NRG1: variants seen among roughly 807,000 people sequenced by gnomAD.
The protein encoded by NRG1 is pro-neuregulin-1, membrane-bound isoform.
NRG1 carries 18 observed loss-of-function variants against 63.8 expected under a neutral mutation model. That is an observed-to-expected ratio of 0.28 (90% CI 0.19 to 0.42). The LOEUF (loss-of-function observed/expected upper bound fraction) is 0.42. Ranked by LOEUF, NRG1 falls within the 10% of genes least tolerant of loss-of-function variation. NRG1 has a pLI of 1.00. For missense variants in NRG1, 762 were observed against 814.7 expected (o/e 0.94, Z 0.79); for synonymous variants, 302 against 301.3 (o/e 1.00, Z -0.02).
chr8:32,381,963 C>A (rs561867729), intron 1 of NRG1, among the ~76,000 whole-genome samples: 1 of 152,192 alleles, frequency 6.6e-6, no homozygotes, highest in East Asian at 1.9e-4. Flanking sequence ...AGTGAGAAAA[C>A]TCCTAGAGAG....
chr8:31,778,678 A>G (rs1354856304), intron 1 of NRG1, among the ~76,000 whole-genome samples: 1 of 152,226 alleles, frequency 6.6e-6, no homozygotes, highest in African/African-American at 2.4e-5. Context: ...ACTATGTGAC[A>G]TTATTTAAGG....
intron 1 of NRG1, among the ~76,000 whole-genome samples, chr8:31,936,686 T>C (rs1202720996): frequency 1.3e-5 from 2 of 152,246 alleles, no homozygotes; most frequent in Admixed American, 6.5e-5. Flanking sequence ...TGAGTAATAA[T>C]GCATTTTAGG....
At chr8:32,250,432 A>C (rs1848983316) in intron 1 of NRG1, among the ~76,000 whole-genome samples, 1 of 152,166 alleles carries the variant, frequency 6.6e-6, no homozygotes, top group Non-Finnish European at 1.5e-5. Flanking sequence ...AAATGCATTC[A>C]TTATTACCTC....
intron 1 of NRG1, among the ~76,000 whole-genome samples, chr8:32,073,098 T>A (rs1825986508): frequency 1.3e-5 from 2 of 152,214 alleles, no homozygotes; most frequent in Admixed American, 1.3e-4. Context: ...TTCTGGCCTC[T>A]ATCTCTGAAG....
intron 7 of NRG1, among the ~76,000 whole-genome samples, chr8:32,750,880 T>C (rs1828595870): frequency 6.6e-6 from 1 of 152,000 alleles, no homozygotes; most frequent in Non-Finnish European, 1.5e-5. Flanking sequence ...GAGCTATCTA[T>C]TGGAGTTTCT....
At chr8:32,112,491 T>C (rs1362865359) in intron 1 of NRG1, among the ~76,000 whole-genome samples, 1 of 152,224 alleles carries the variant, frequency 6.6e-6, no homozygotes, top group African/African-American at 2.4e-5. Flanking sequence ...TATATTTTCT[T>C]ATTTCCTTCT....
intron 1 of NRG1, among the ~76,000 whole-genome samples, chr8:32,554,294 G>T (rs1467118113): frequency 1.3e-5 from 2 of 152,066 alleles, no homozygotes; most frequent in Non-Finnish European, 1.5e-5. Flanking sequence ...GTCTGCACTT[G>T]TGTGTGTCCT....
At chr8:31,663,882 G>A (rs1218770070) in intron 1 of NRG1, among the ~76,000 whole-genome samples, 3 of 152,084 alleles carry the variant, frequency 2.0e-5, no homozygotes, top group East Asian at 3.9e-4. Flanking sequence ...GGGAAAAAAT[G>A]AGAGAGAAAG....
intron 1 of NRG1, among the ~76,000 whole-genome samples, chr8:32,506,711 G>A (rs868474825): frequency 2.0e-5 from 3 of 151,874 alleles, no homozygotes; most frequent in South Asian, 2.1e-4. Context: ...AAATCTTGGG[G>A]GGTATGTGGG....
At chr8:31,752,593 T>C (rs1054534739) in intron 1 of NRG1, among the ~76,000 whole-genome samples, 1 of 152,012 alleles carries the variant, frequency 6.6e-6, no homozygotes, top group Non-Finnish European at 1.5e-5. Flanking sequence ...AAATTTGAGA[T>C]ATATTTTGAA....
chr8:32,239,224 T>G (rs1467671033), intron 1 of NRG1, among the ~76,000 whole-genome samples: 1 of 151,664 alleles, frequency 6.6e-6, no homozygotes, highest in Non-Finnish European at 1.5e-5. Flanking sequence ...TATGCCTAAC[T>G]TTGAGTTTTG....
chr8:32,722,512 C>A (rs1820910929), intron 5 of NRG1, among the ~76,000 whole-genome samples: 1 of 152,134 alleles, frequency 6.6e-6, no homozygotes. Context: ...TAGTAACAAG[C>A]AGAGAACACT....
chr8:32,244,049 G>A (rs1347730069), intron 1 of NRG1, among the ~76,000 whole-genome samples: 3 of 152,148 alleles, frequency 2.0e-5, no homozygotes, highest in African/African-American at 7.2e-5. Flanking sequence ...TATATGACAT[G>A]GCCGTTTGCT....
At chr8:32,100,866 A>C (rs1258933114) in intron 1 of NRG1, among the ~76,000 whole-genome samples, 1 of 152,198 alleles carries the variant, frequency 6.6e-6, no homozygotes, top group African/African-American at 2.4e-5. Flanking sequence ...ACTTCAGGGA[A>C]TCTGAAAGAA....
chr8:32,248,959 G>C (rs967440081), intron 1 of NRG1, among the ~76,000 whole-genome samples: 4 of 151,998 alleles, frequency 2.6e-5, no homozygotes, highest in Admixed American at 2.6e-4. Context: ...TCTGAGTTAT[G>C]TTCCTACAAG....
chr8:32,593,132 G>A (rs187587566), intron 1 of NRG1, among the ~76,000 whole-genome samples: 142 of 152,204 alleles, frequency 9.3e-4, no homozygotes, highest in African/African-American at 3.3e-3. Flanking sequence ...TGGTCTTGCT[G>A]TCTCAGGGGC....
rs926825484 is a variant in NRG1, at chr8:31,935,107, C to T, written c.37+295676C>T. 7.2e-5 allele frequency among the ~76,000 whole-genome samples: 11 copies of T among 151,836 alleles called. No homozygotes were observed. In the South Asian group the frequency reaches 8.3e-4, roughly 11 times the overall value. ...CCAGTACCACAGGTGTGTGCCACCA[C>T]GCCCAGCTAAGTTTTTATTTTTTGT... On this transcript the variant is annotated intron_variant, in intron 1 of 10. Coordinates refer to the NRG1 transcript ENST00000519301.
At chr8:32,192,959 C>T (rs985943973) in intron 1 of NRG1, among the ~76,000 whole-genome samples, 4 of 151,874 alleles carry the variant, frequency 2.6e-5, no homozygotes, top group Admixed American at 6.6e-5. Context: ...TTAACAAGAA[C>T]GTAAGCTCAA....
chr8:32,533,902 T>A (rs535209790), intron 1 of NRG1, among the ~76,000 whole-genome samples: 35 of 152,216 alleles, frequency 2.3e-4, no homozygotes, highest in African/African-American at 6.5e-4. Context: ...TTTCTAGGGT[T>A]TTCATTATAA....
Sources: allele counts gnomAD v4.1 joint callset (sites outside exome capture counted in the v4.1 genomes callset), GRCh38; gene constraint gnomAD v4.1.1; transcripts MANE v1.5; gene names NCBI Gene and HGNC (gene_info 2026-07-23, HGNC 2026-07-21).